Variants in VPS37A observed in about 807,000 individuals in gnomAD.
The protein encoded by VPS37A is VPS37A subunit of ESCRT-I.
VPS37A carries 30 observed loss-of-function variants against 49.8 expected under a neutral mutation model. The observed-to-expected ratio is 0.60, with a 90% CI of 0.45 to 0.82. The LOEUF is 0.82. VPS37A is among the 40% of genes least tolerant of loss of function. The pLI is 0.00. For synonymous variants in VPS37A, 195 were observed against 160.6 expected (o/e 1.21, Z -1.62); for missense variants, 593 against 464.4 (o/e 1.28, Z -2.55).
At chr8:17,280,211 A>C in intron 7 of VPS37A, 28 bp from the exon 8 acceptor site, 1 of 1,611,840 alleles carries the variant, frequency 6.2e-7, no homozygotes, top group Non-Finnish European at 8.5e-7. Flanking sequence ...ATCTTTACCT[A>C]GAAGTAAACT....
At chr8:17,299,821 T>G (rs1431467496), downstream of VPS37A, 2 of 1,602,728 alleles carry the variant, frequency 1.2e-6, no homozygotes, top group Non-Finnish European at 1.7e-6. Flanking sequence ...TTTGGAAGTG[T>G]TGCTTATGTG....
chr8:17,270,427 C>T (rs1356547923), intron 4 of VPS37A, among the ~76,000 whole-genome samples: 1 of 152,144 alleles, frequency 6.6e-6, no homozygotes, highest in African/African-American at 2.4e-5. Flanking sequence ...GCTGATACAT[C>T]TATATGTGGC....
intron 1 of VPS37A, among the ~76,000 whole-genome samples, chr8:17,257,307 G>C (rs1431676844): frequency 6.6e-6 from 1 of 152,082 alleles, no homozygotes; most frequent in Non-Finnish European, 1.5e-5. Context: ...CATGTGATTT[G>C]GTTACTATAA....
intron 4 of VPS37A, among the ~76,000 whole-genome samples, chr8:17,274,530 T>C (rs1021189396): frequency 6.7e-6 from 1 of 149,290 alleles, no homozygotes; most frequent in Non-Finnish European, 1.5e-5. Flanking sequence ...AATTCTACAA[T>C]TCTTTTTTTT....
At chr8:17,282,747 C>G (rs1460749718) in intron 9 of VPS37A, among the ~76,000 whole-genome samples, 1 of 150,824 alleles carries the variant, frequency 6.6e-6, no homozygotes, top group East Asian at 1.9e-4. Context: ...AAAAAAAAGA[C>G]ACACACACAC....
At chr8:17,247,405 T>C (rs1811347627) in intron 1 of VPS37A, 36 bp downstream of exon 1, 4 of 136,502 alleles carry the variant, frequency 2.9e-5, no homozygotes, top group Non-Finnish European at 4.7e-5. Context: ...GAGGAAAAAG[T>C]AGGGTGGGAG....
chr8:17,247,911 AGT>A, intron 1 of VPS37A: 1 of 626,388 alleles, frequency 1.6e-6, no homozygotes. Context: ...CTGTTGGAGC[AGT>A]CTCTCCCCAT....
chr8:17,274,041 C>T (rs1814265863), intron 4 of VPS37A, among the ~76,000 whole-genome samples: 1 of 152,102 alleles, frequency 6.6e-6, no homozygotes, highest in South Asian at 2.1e-4. Context: ...CTGAATTACT[C>T]TAATGCTTTT....
At chr8:17,311,109 CT>C in the VPS37A span, among the ~76,000 whole-genome samples, 27 of 152,288 alleles carry the variant, frequency 1.8e-4, no homozygotes, top group Middle Eastern at 3.4e-3. Context: ...CTACCAAGGA[CT>C]TTTGGCATAC....
At chr8:17,316,299 T>C in the VPS37A span, among the ~76,000 whole-genome samples, 1 of 151,984 alleles carries the variant, frequency 6.6e-6, no homozygotes, top group African/African-American at 2.4e-5. Flanking sequence ...ATATATATTA[T>C]AGTCTGCAAT....
downstream of VPS37A, among the ~76,000 whole-genome samples, chr8:17,303,679 G>T (rs568237723): frequency 2.7e-5 from 4 of 150,362 alleles, no homozygotes; most frequent in Admixed American, 2.7e-4. Context: ...GCACGATCTC[G>T]GCTCACCGCA....
At chr8:17,315,219 G>A in the VPS37A span, among the ~76,000 whole-genome samples, 3 of 152,084 alleles carry the variant, frequency 2.0e-5, no homozygotes, top group African/African-American at 7.2e-5. Flanking sequence ...CAGTGCTAAG[G>A]GAAAGAAGCC....
intron 1 of VPS37A, among the ~76,000 whole-genome samples, chr8:17,256,948 T>A (rs1478157327): frequency 6.6e-6 from 1 of 152,206 alleles, no homozygotes; most frequent in Non-Finnish European, 1.5e-5. Context: ...CCCATTTATC[T>A]GTTTCTGCTT....
the VPS37A span, among the ~76,000 whole-genome samples, chr8:17,318,012 G>T: frequency 6.6e-6 from 1 of 151,868 alleles, no homozygotes; most frequent in East Asian, 1.9e-4. Context: ...AATTCCTTTG[G>T]GTCTGTGCAA....
the VPS37A span, among the ~76,000 whole-genome samples, chr8:17,312,066 G>A: frequency 1.2e-4 from 19 of 152,274 alleles, no homozygotes; most frequent in East Asian, 3.7e-3. Flanking sequence ...TAAAAGGTAA[G>A]CGTCAAGTAA....
downstream of VPS37A, chr8:17,304,487 T>C (rs2150468238): frequency 6.2e-7 from 1 of 1,613,986 alleles, no homozygotes; most frequent in Non-Finnish European, 8.5e-7. Context: ...CTTCCACAGG[T>C]GAGCCCATAA....
the VPS37A span, among the ~76,000 whole-genome samples, chr8:17,315,481 T>G: frequency 6.6e-6 from 1 of 152,150 alleles, no homozygotes; most frequent in Non-Finnish European, 1.5e-5. Flanking sequence ...GTGATACCGA[T>G]GTGCCAATGT....
At chr8:17,311,214 T>C in the VPS37A span, among the ~76,000 whole-genome samples, 1 of 152,192 alleles carries the variant, frequency 6.6e-6, no homozygotes, top group Admixed American at 6.5e-5. Context: ...TATGAGCAAA[T>C]GATATATAAA....
chr8:17,302,054 G>A, downstream of VPS37A: 1 of 1,500,866 alleles, frequency 6.7e-7, no homozygotes, highest in African/African-American at 1.4e-5. Context: ...CTAAAAATGT[G>A]AAATATTTGT....
Sources: allele counts gnomAD v4.1 joint callset (sites outside exome capture counted in the v4.1 genomes callset), GRCh38; gene constraint gnomAD v4.1.1; transcripts MANE v1.5; gene names NCBI Gene and HGNC (gene_info 2026-07-23, HGNC 2026-07-21).